The following EIF2B5 variants were observed in gnomAD, a reference collection of about 807,000 sequenced individuals.
The protein encoded by EIF2B5 is translation initiation factor eIF2B subunit epsilon.
In EIF2B5, 38 loss-of-function variants were observed where a neutral mutation model predicts 87.3. That is an observed-to-expected ratio of 0.44 (90% CI 0.34 to 0.57). EIF2B5 has a LOEUF of 0.57. EIF2B5 is among the 20% of genes least tolerant of loss of function. The pLI is 0.02. For missense variants in EIF2B5, 784 were observed against 909.5 expected (o/e 0.86, Z 1.78); for synonymous variants, 313 against 339.6 (o/e 0.92, Z 0.86).
chr3:184,138,136 A>C (rs1324147162), intron 4 of EIF2B5, 30 bp from the exon 5 acceptor site: 1 of 1,613,936 alleles, frequency 6.2e-7, no homozygotes, highest in Non-Finnish European at 8.5e-7. Flanking sequence ...GGGAGAAACA[A>C]ATTAAAGTCC....
chr3:184,137,323 C>G, intron 2 of EIF2B5: 1 of 487,164 alleles, frequency 2.1e-6, no homozygotes. Flanking sequence ...TCCCAGGCTA[C>G]TTTGTGTACC....
chr3:184,135,842 A>G (rs1330889060), intron 1 of EIF2B5: 25 of 566,542 alleles, frequency 4.4e-5, no homozygotes, highest in Non-Finnish European at 6.3e-6. Flanking sequence ...CGCTTGAGAG[A>G]AGCCTTCACG....
chr3:184,140,398 T>G lies in EIF2B5; in HGVS notation c.844-20T>G. ...TCCTGTCTTTCTTGCTTAGGTGACCTCCCTTTCCTTCTCATTCAGATCCTA... is the reference window on the plus strand; with the variant it reads ...TCCTGTCTTTCTTGCTTAGGTGACCGCCCTTTCCTTCTCATTCAGATCCTA... On this transcript the variant is annotated intron_variant, in intron 6 of 15. Transcript: ENST00000648915. 6.2e-7 allele frequency: 1 copy of G among 1,613,906 alleles called. No homozygotes were observed. The highest frequency in any genetic ancestry group is 8.5e-7 in the Non-Finnish European group (1 of 1,179,876).
Position 184,143,056 on chromosome 3 carries a change from C to T in EIF2B5, c.1659C>T (p.Phe553=). ...GSPQMDDIKV[F]QNEVLGTLQR... The stretch of plus-strand genomic sequence containing the variant: ...TTATCCTTGCTTTGATTTCAGTGTT[C>T]CAGAATGAAGTTTTAGGAACACTAC... Residue 553 remains phenylalanine (F), a synonymous_variant, in exon 12 of 16, where the codon TTC becomes TTT. Coordinates refer to ENST00000648915, the MANE Select transcript of EIF2B5 (RefSeq NM_003907.3). 2.5e-6 allele frequency: 4 copies of T among 1,613,340 alleles called. No homozygotes were observed. Among genetic ancestry groups the T allele is most frequent in the Non-Finnish European group, 3.4e-6 (4 of 1,179,722 alleles).
In EIF2B5 at chr3:184,136,558, G is replaced by A. The variant is rs1482876519; in HGVS notation, c.196-54G>A. ...TAGAGGAGTGAAAATTGTTGCAGTG[G>A]GGTACCCAAAGGGATTCGAGACCTC... On this transcript the variant is annotated intron_variant, in intron 1 of 15. Coordinates refer to ENST00000648915, the MANE Select transcript of EIF2B5 (RefSeq NM_003907.3). 3.1e-6 allele frequency: 5 copies of A among 1,610,884 alleles called. No homozygotes were observed. The Admixed American group carries it at 6.7e-5, about 21-fold the overall frequency.
At chr3:184,143,630 G>C (rs1016796874) in intron 13 of EIF2B5, 65 bp downstream of exon 13, 19 of 1,611,562 alleles carry the variant, frequency 1.2e-5, no homozygotes, top group Non-Finnish European at 8.5e-6. Flanking sequence ...GGAGTAGACT[G>C]TCTTGTTATA....
rs1457766287 is a variant in EIF2B5, at chr3:184,138,052, C to T, written c.661C>T (p.Leu221Phe). ...RVLHFQKTQG[L>F]RRFAFPLSLF... Reference sequence around the variant, plus strand: ...TCTCCATTTTCAGAAGACCCAGGGTCTCCGGCGTTTTGCATTTCCTCTGGT... The same window carrying T: ...TCTCCATTTTCAGAAGACCCAGGGTTTCCGGCGTTTTGCATTTCCTCTGGT... The change falls in exon 4 of 16, where the codon CTC becomes TTC. Residue 221 changes from leucine (L) to phenylalanine (F), a missense_variant. This residue lies in a region of EIF2B5 where 660 missense variants were observed against 789.5 expected (regional missense o/e 0.84). Coordinates refer to ENST00000648915, the MANE Select transcript of EIF2B5 (RefSeq NM_003907.3). The T allele has an allele frequency of 6.2e-7, 1 of 1,614,136 alleles. No individual in the cohort carries two copies. The highest frequency in any genetic ancestry group is 1.7e-5 in the Admixed American group (1 of 60,030).
rs775653653 is a variant in EIF2B5 at position 184,145,127 on chromosome 3, G to A, written c.*184G>A. ...ACCATGTGCCTCCCATCCTGACTGT[G>A]GAGTTGGGATGTGGAAGTGGGGCTG... On this transcript the variant is annotated 3_prime_UTR_variant, in exon 16 of 16. Coordinates refer to ENST00000648915, the MANE Select transcript of EIF2B5 (RefSeq NM_003907.3). This position sits in a 1 kb window ranked among gnomAD's most constrained non-coding sequence, Gnocchi z 4.0. 1.8e-5 allele frequency: 12 copies of A among 668,620 alleles called. No individual in the cohort carries two copies. The highest frequency in any genetic ancestry group is 3.2e-5 in the Non-Finnish European group (12 of 374,088). The allele number at this position is 668,620 out of a possible 1,614,324, so 41.4% of individuals were successfully genotyped here. A position where few individuals can be genotyped will look rare whatever the true frequency, so the allele number is the denominator to read the frequency against.
At chr3:184,143,328 C>G in intron 12 of EIF2B5, 114 bp from the exon 13 acceptor site, 2 of 1,576,056 alleles carry the variant, frequency 1.3e-6, no homozygotes, top group South Asian at 2.2e-5. Flanking sequence ...CTTCCTAAAC[C>G]CTCCCCTTCC....
chr3:184,138,430 C>T lies in EIF2B5; in HGVS notation c.765+184C>T, dbSNP rs933150831. Among the ~76,000 whole-genome samples the T allele has an allele frequency of 2.6e-5, 4 of 151,878 alleles. No individual in the cohort carries two copies. The East Asian group carries it at 5.8e-4, about 22-fold the overall frequency. On this transcript the variant is annotated intron_variant, in intron 5 of 15. Transcript: ENST00000648915. Reference sequence around the variant, plus strand: ...GGAGTGCAGTGGTGTGATCCCAGCTCACTGCAGACTCTGCCTCCTAGGTTC... The same window carrying T: ...GGAGTGCAGTGGTGTGATCCCAGCTTACTGCAGACTCTGCCTCCTAGGTTC...
rs574694961 is a variant in EIF2B5, at chr3:184,137,992, G to A, written c.601G>A (p.Val201Met). The A allele has an allele frequency of 6.6e-5, 107 of 1,614,098 alleles. No individual in the cohort carries two copies. Among genetic ancestry groups the A allele is most frequent in the Non-Finnish European group, 8.9e-5 (105 of 1,180,056 alleles). ...SHPTRCHEDNVVVAVDSTTNR... is the reference protein window; with the variant it reads ...SHPTRCHEDNMVVAVDSTTNR... ...CCCAACTCGTTGCCACGAAGACAAT[G>A]TGGTAGTGGCTGTGGATAGTACCAC... The change falls in exon 4 of 16, where the codon GTG becomes ATG. Residue 201 changes from valine to methionine, a missense_variant. Val to Met is a conservative substitution (Grantham distance 21). This residue lies in a region of EIF2B5 where 660 missense variants were observed against 789.5 expected (regional missense o/e 0.84). Coordinates refer to ENST00000648915, the MANE Select transcript of EIF2B5 (RefSeq NM_003907.3).
At chr3:184,136,147 G>C (rs1713347744) in intron 1 of EIF2B5, among the ~76,000 whole-genome samples, 1 of 152,150 alleles carries the variant, frequency 6.6e-6, no homozygotes. Flanking sequence ...TCAGAAAGAG[G>C]GAACTGCATT....
intron 13 of EIF2B5, 193 bp from the exon 14 acceptor site, chr3:184,143,906 C>G (rs1413515510): frequency 1.1e-6 from 1 of 873,254 alleles, no homozygotes; most frequent in Non-Finnish European, 1.8e-6. Flanking sequence ...AGCATCTGAT[C>G]CCCTTTCACC....
chr3:184,140,353 G>A, intron 6 of EIF2B5, 65 bp from the exon 7 acceptor site: 1 of 1,571,312 alleles, frequency 6.4e-7, no homozygotes, highest in Non-Finnish European at 8.8e-7. Flanking sequence ...GATTAGAAAA[G>A]TTGTACTTGG....
intron 2 of EIF2B5, chr3:184,137,080 T>G (rs1713397690): frequency 2.7e-6 from 1 of 366,698 alleles, no homozygotes; most frequent in Non-Finnish European, 5.1e-6. Flanking sequence ...ATCTTGTTTG[T>G]TCTCACCTTC....
chr3:184,141,169 T>TAAA (rs1713618260), intron 7 of EIF2B5, among the ~76,000 whole-genome samples: 1 of 152,208 alleles, frequency 6.6e-6, no homozygotes, highest in Non-Finnish European at 1.5e-5. Flanking sequence ...CCAGTGTTCT[T>TAAA]TTGAGTCTAC....
chr3:184,136,522 GGAAATAC>G, intron 1 of EIF2B5, 83 bp from the exon 2 acceptor site: 2 of 1,526,276 alleles, frequency 1.3e-6, no homozygotes, highest in South Asian at 2.2e-5. Context: ...TACACTGTTT[GGAAATAC>G]GAATAGAGGA....
chr3:184,136,778 T>C (rs752573705), intron 2 of EIF2B5, 42 bp downstream of exon 2: 1 of 1,613,968 alleles, frequency 6.2e-7, no homozygotes, highest in Non-Finnish European at 8.5e-7. Flanking sequence ...CGCCATCTTT[T>C]TCCAGTTTTT....
At chr3:184,137,308 C>T (rs758857395) in intron 2 of EIF2B5, 4 of 459,160 alleles carry the variant, frequency 8.7e-6, no homozygotes, top group Non-Finnish European at 1.6e-5. Context: ...TGACGTGAAG[C>T]GTGTTCCCAG....
Sources: allele counts gnomAD v4.1 joint callset (sites outside exome capture counted in the v4.1 genomes callset), GRCh38; gene constraint gnomAD v4.1.1; regional missense constraint gnomAD v4.1.1; non-coding constraint Gnocchi (gnomAD v3.1); transcripts MANE v1.5; gene names NCBI Gene and HGNC (gene_info 2026-07-23, HGNC 2026-07-21).